WDR89: variants seen among roughly 807,000 people sequenced by gnomAD.
The protein encoded by WDR89 is WD repeat-containing protein 89.
Under a neutral mutation model 29.1 loss-of-function variants are expected in WDR89, and 17 were observed. That is an observed-to-expected ratio of 0.58 (90% CI 0.40 to 0.88). WDR89 has a LOEUF of 0.88. Among genes scored for constraint, WDR89 ranks in the 40% least tolerant of loss-of-function variants. The probability of loss-of-function intolerance (pLI) is 0.00; values close to 1 mark genes in which losing one functional copy is unlikely to be tolerated. For synonymous variants in WDR89, 138 were observed against 157.8 expected (o/e 0.87, Z 0.94); for missense variants, 396 against 456.3 (o/e 0.87, Z 1.20).
intron 1 of WDR89, among the ~76,000 whole-genome samples, chr14:63,626,404 C>A (rs1166607706): frequency 1.3e-5 from 2 of 151,908 alleles, no homozygotes; most frequent in African/African-American, 4.8e-5. Flanking sequence ...GGCGTGGTGC[C>A]TAATGCCTGT....
intron 2 of WDR89, among the ~76,000 whole-genome samples, chr14:63,621,533 G>A (rs925186213): frequency 1.3e-5 from 2 of 152,146 alleles, no homozygotes; most frequent in Non-Finnish European, 1.5e-5. Context: ...AGGAGGTGTA[G>A]GTTGCAGTGA....
At chr14:63,608,698 A>ACACACACACACACACACACAC (rs1566791808) in intron 2 of WDR89, among the ~76,000 whole-genome samples, 1 of 150,196 alleles carries the variant, frequency 6.7e-6, no homozygotes, top group African/African-American at 2.5e-5. Context: ...ACACACACAC[A>ACACACACACACACACACACAC]AATAGGTTTA....
Position 63,604,980 on chromosome 14 carries a change from T to C in WDR89, c.-31-5007A>G, listed in dbSNP as rs1196375566. On this transcript the variant is annotated intron_variant, in intron 2 of 2. Coordinates refer to ENST00000620954, the MANE Select transcript of WDR89 (RefSeq NM_080666.4). ...CTGAGCAACATAAAGAAACCCCTTCTCTACACAAAAAATACAAAAATTAGC... is the reference window on the plus strand; with the variant it reads ...CTGAGCAACATAAAGAAACCCCTTCCCTACACAAAAAATACAAAAATTAGC... Among the ~76,000 whole-genome samples the C allele has an allele frequency of 2.0e-5, 3 of 151,892 alleles. No homozygotes were observed. The East Asian group carries it at 5.8e-4, about 29-fold the overall frequency.
At chr14:63,601,523 G>A (rs1301275908) in intron 2 of WDR89, 5 of 1,512,196 alleles carry the variant, frequency 3.3e-6, no homozygotes, top group East Asian at 4.5e-5. Context: ...CAGGACAAGC[G>A]TTTAAGTTTC....
chr14:63,629,687 A>T (rs928472672), intron 1 of WDR89, among the ~76,000 whole-genome samples: 1 of 152,254 alleles, frequency 6.6e-6, no homozygotes, highest in Non-Finnish European at 1.5e-5. Context: ...TGGATGGGAA[A>T]GGAGACGACA....
Position 63,612,406 on chromosome 14 carries a change from A to G in WDR89, c.-31-12433T>C, listed in dbSNP as rs1253330890. On this transcript the variant is annotated intron_variant, in intron 2 of 2. Transcript: ENST00000620954. ...AGTGGTGGGATCTCTGCTCACTGCA[A>G]CCTCTGCCTCCCGGGCTAGAGTGTA... 2.7e-5 allele frequency among the ~76,000 whole-genome samples: 4 copies of G among 150,518 alleles called. No homozygotes were observed. In the East Asian group the frequency reaches 7.9e-4, roughly 30 times the overall value.
chr14:63,604,828 C>A (rs895732567), intron 2 of WDR89, among the ~76,000 whole-genome samples: 3 of 152,084 alleles, frequency 2.0e-5, no homozygotes, highest in African/African-American at 7.2e-5. Context: ...AATGACAGAC[C>A]ACATTTATGA....
intron 2 of WDR89, among the ~76,000 whole-genome samples, chr14:63,620,641 T>C (rs534900508): frequency 4.6e-5 from 7 of 151,842 alleles, no homozygotes; most frequent in African/African-American, 7.3e-5. Context: ...TCTCAACACT[T>C]TGGGAGGCCA....
chr14:63,614,153 G>A (rs1882161289), intron 2 of WDR89, among the ~76,000 whole-genome samples: 1 of 151,976 alleles, frequency 6.6e-6, no homozygotes, highest in Non-Finnish European at 1.5e-5. Flanking sequence ...TTTTAAGGGG[G>A]GAGTATTAGC....
chr14:63,606,668 A>G (rs1025367555), intron 2 of WDR89, among the ~76,000 whole-genome samples: 1 of 152,180 alleles, frequency 6.6e-6, no homozygotes, highest in South Asian at 2.1e-4. Flanking sequence ...GAAACTGCCT[A>G]ATGACCCATT....
chr14:63,602,341 G>A (rs1895104219), intron 2 of WDR89, among the ~76,000 whole-genome samples: 4 of 151,500 alleles, frequency 2.6e-5, no homozygotes, highest in South Asian at 2.1e-4. Context: ...GTGTTGTGGT[G>A]CACACCTGTA....
chr14:63,622,413 C>G (rs953353149), intron 2 of WDR89, among the ~76,000 whole-genome samples: 2 of 152,038 alleles, frequency 1.3e-5, no homozygotes, highest in Non-Finnish European at 2.9e-5. Context: ...AAGCCCTTCT[C>G]TACAAAAATA....
chr14:63,602,765 T>G lies in WDR89; in HGVS notation c.-31-2792A>C, dbSNP rs111278389. 9.2e-3 allele frequency among the ~76,000 whole-genome samples: 1,225 copies of G among 132,504 alleles called. 16 individuals are homozygous for G. The highest frequency in any genetic ancestry group is 0.042 in the South Asian group (181 of 4,324). 86.9% of individuals were successfully genotyped at this position (132,504 alleles called of 152,430 possible). ...CCATCCTGGGCAACAAGAGTGAAAC[T>G]CCATCTCAAAAAAAAAAAAAAAGAT... is the stretch of plus-strand genomic sequence containing the variant. On this transcript the variant is annotated intron_variant, in intron 2 of 2. Coordinates refer to ENST00000620954, the MANE Select transcript of WDR89 (RefSeq NM_080666.4).
At chr14:63,621,501 A>AG (rs1265727032) in intron 2 of WDR89, among the ~76,000 whole-genome samples, 2 of 151,974 alleles carry the variant, frequency 1.3e-5, no homozygotes, top group African/African-American at 2.4e-5. Flanking sequence ...GGGAGGCTAA[A>AG]GCAGGAGAAT....
At chr14:63,638,312 T>C (rs946769608) in intron 1 of WDR89, among the ~76,000 whole-genome samples, 2 of 152,200 alleles carry the variant, frequency 1.3e-5, no homozygotes, top group African/African-American at 4.8e-5. Flanking sequence ...CTACATTAGC[T>C]GGGCACTGGG....
intron 2 of WDR89, among the ~76,000 whole-genome samples, chr14:63,608,737 T>A (rs1366384361): frequency 6.6e-6 from 1 of 151,952 alleles, no homozygotes; most frequent in Admixed American, 6.6e-5. Flanking sequence ...GCTGGCAATT[T>A]GGATGAAGAC....
chr14:63,641,568 A>T (rs1884139940), intron 1 of WDR89, among the ~76,000 whole-genome samples: 1 of 152,256 alleles, frequency 6.6e-6, no homozygotes, highest in Admixed American at 6.5e-5. Flanking sequence ...CGGCAACAGC[A>T]GCCTGACCCG....
chr14:63,602,672 T>C lies in WDR89; in HGVS notation c.-31-2699A>G, dbSNP rs191533277. 7.5e-3 allele frequency among the ~76,000 whole-genome samples: 1,127 copies of C among 150,528 alleles called. 12 individuals carry two copies. Among genetic ancestry groups the C allele is most frequent in the African/African-American group, 0.026 (1,056 of 40,884 alleles). On this transcript the variant is annotated intron_variant, in intron 2 of 2. Transcript: ENST00000620954. Reference sequence around the variant, plus strand: ...CTGTAATCCCAGCTACTCGGGAGGCTGAGGCAGGAGAATCGCTTGAACCCA... The same window carrying C: ...CTGTAATCCCAGCTACTCGGGAGGCCGAGGCAGGAGAATCGCTTGAACCCA...
chr14:63,599,990 T>TAATAAA lies in WDR89; in HGVS notation c.-31-23_-31-18dup. On this transcript the variant is annotated splice_polypyrimidine_tract_variant and intron_variant, in intron 2 of 2. Coordinates refer to ENST00000620954, the MANE Select transcript of WDR89 (RefSeq NM_080666.4). ...AGTAAAACTCTGTAAAAAATAATAA[T>TAATAAA]AATAAAAATAAAAATTAATGCTTAA... The TAATAAA allele has an allele frequency of 7.7e-7, 1 of 1,303,146 alleles. No individual in the cohort carries two copies. The highest frequency in any genetic ancestry group is 1.0e-6 in the Non-Finnish European group (1 of 1,001,070). The allele number at this position is 1,303,146 out of a possible 1,614,324, so 80.7% of individuals were successfully genotyped here.
Sources: gnomAD v4.1 joint callset for allele counts (sites outside exome capture counted in the v4.1 genomes callset) on GRCh38, gnomAD v4.1.1 for gene constraint, MANE v1.5 for transcripts, NCBI Gene and HGNC (gene_info 2026-07-23, HGNC 2026-07-21) for gene names.